The following CSDC2 variants were observed in gnomAD, a reference collection of about 807,000 sequenced individuals.
CSDC2 encodes the protein cold shock domain containing C2.
Under a neutral mutation model 15.8 loss-of-function variants are expected in CSDC2, and 8 were observed. The observed-to-expected ratio is 0.51, with a 90% CI of 0.30 to 0.92. CSDC2 has a LOEUF of 0.92. CSDC2 is among the 40% of genes least tolerant of loss of function. The pLI is 0.07. For synonymous variants in CSDC2, 96 were observed against 92.3 expected (o/e 1.04, Z -0.23); for missense variants, 195 against 213.3 (o/e 0.91, Z 0.53).
intron 1 of CSDC2, among the ~76,000 whole-genome samples, chr22:41,570,795 C>A (rs1426183522): frequency 1.4e-5 from 2 of 147,370 alleles, no homozygotes; most frequent in African/African-American, 5.0e-5. Flanking sequence ...GTACTCCAGC[C>A]TGGGTGACAG....
Position 41,571,881 on chromosome 22 carries a change from G to C in CSDC2, c.-85G>C. ...CTGGTGAGGCCGCAGAGCAGGGCCA[G>C]GCCGGGCCCTGCCCGCAAGGACGAC... On this transcript the variant is annotated 5_prime_UTR_variant, in exon 2 of 4. Transcript: ENST00000306149. The C allele has an allele frequency of 1.1e-6, 1 of 941,678 alleles. No homozygotes were observed. Among genetic ancestry groups the C allele is most frequent in the South Asian group, 3.3e-5 (1 of 29,988 alleles). The allele number at this position is 941,678 out of a possible 1,614,324, so 58.3% of individuals were successfully genotyped here. A position where few individuals can be genotyped will look rare whatever the true frequency, so the allele number is the denominator to read the frequency against.
At chr22:41,567,535 C>T (rs926603307) in intron 1 of CSDC2, among the ~76,000 whole-genome samples, 11 of 152,372 alleles carry the variant, frequency 7.2e-5, no homozygotes, top group African/African-American at 2.6e-4. Context: ...TGGAGGGTTG[C>T]TCCGTATCTC....
At chr22:41,574,404 T>A (rs988720322) in intron 3 of CSDC2, among the ~76,000 whole-genome samples, 4 of 152,224 alleles carry the variant, frequency 2.6e-5, no homozygotes, top group Non-Finnish European at 4.4e-5. Flanking sequence ...TAGCTGGAAT[T>A]ACAGGTGCCA....
chr22:41,572,790 G>T (rs2067154618), intron 2 of CSDC2, among the ~76,000 whole-genome samples: 1 of 152,250 alleles, frequency 6.6e-6, no homozygotes, highest in African/African-American at 2.4e-5. Flanking sequence ...GGGGTAGGTA[G>T]GCGGGACAAA....
At chr22:41,569,343 T>C (rs1569048198) in intron 1 of CSDC2, among the ~76,000 whole-genome samples, 1 of 152,226 alleles carries the variant, frequency 6.6e-6, no homozygotes, top group Non-Finnish European at 1.5e-5. Flanking sequence ...TTTAGTACAT[T>C]CACAGAGTTG....
At chr22:41,562,001 C>T (rs1205644688) in intron 1 of CSDC2, among the ~76,000 whole-genome samples, 1 of 152,198 alleles carries the variant, frequency 6.6e-6, no homozygotes, top group Non-Finnish European at 1.5e-5. Flanking sequence ...ACAGCAGGTT[C>T]CTGCCAAGCT....
rs2067168713 is a variant in CSDC2, at chr22:41,575,158, C to T, written c.*263C>T. On this transcript the variant is annotated 3_prime_UTR_variant, in exon 4 of 4. Transcript: ENST00000306149. Reference sequence around the variant, plus strand: ...GCTTCGCGCTGTCCACTGCCTCTCTCCTCCCCTCCCTGCCGCAGACACGCA... The same window carrying T: ...GCTTCGCGCTGTCCACTGCCTCTCTTCTCCCCTCCCTGCCGCAGACACGCA... 1.9e-6 allele frequency: 1 copy of T among 531,744 alleles called. No homozygotes were observed. The highest frequency in any genetic ancestry group is 3.4e-6 in the Non-Finnish European group (1 of 296,756). 32.9% of individuals were successfully genotyped at this position (531,744 alleles called of 1,614,324 possible).
chr22:41,562,896 G>A (rs539050174), intron 1 of CSDC2, among the ~76,000 whole-genome samples: 1 of 152,276 alleles, frequency 6.6e-6, no homozygotes, highest in East Asian at 1.9e-4. Flanking sequence ...GATGCTGTAT[G>A]TATGTATGAC....
chr22:41,571,014 T>C (rs760595109), intron 1 of CSDC2, among the ~76,000 whole-genome samples: 23 of 149,170 alleles, frequency 1.5e-4, no homozygotes, highest in Non-Finnish European at 3.3e-4. Flanking sequence ...GGATCAATGC[T>C]AGCCCCATTT....
chr22:41,575,023 C>T lies in CSDC2; in HGVS notation c.*128C>T. On this transcript the variant is annotated 3_prime_UTR_variant, in exon 4 of 4. Transcript: ENST00000306149. The stretch of plus-strand genomic sequence containing the variant: ...CGGTGGCCTCAGTGTGCACGTCTGT[C>T]TGTCCGTCTGTGCTTGTGGCTATGA... 9.1e-7 allele frequency: 1 copy of T among 1,095,950 alleles called. No homozygotes were observed. The highest frequency in any genetic ancestry group is 1.3e-6 in the Non-Finnish European group (1 of 774,856). 67.9% of individuals were successfully genotyped at this position (1,095,950 alleles called of 1,614,324 possible).
chr22:41,573,664 G>A lies in CSDC2; in HGVS notation c.186G>A (p.Arg62=). 2 of 1,612,540 alleles carry A rather than the reference G, an allele frequency of 1.2e-6. No individual in the cohort carries two copies. Among genetic ancestry groups the A allele is most frequent in the Non-Finnish European group, 1.7e-6 (2 of 1,179,150 alleles). The change falls in exon 3 of 4, where the codon CGG becomes CGA. Residue 62 remains arginine, a synonymous_variant. Coordinates refer to ENST00000306149, the MANE Select transcript of CSDC2 (RefSeq NM_014460.4). ...ACTACCCTATCTCCAGGACAGCCCG[G>A]GCCTCAGCTGGCCCCGTGTTCAAGG... is the stretch of plus-strand genomic sequence containing the variant. ...KRTRTYSATA[R]ASAGPVFKGV...
intron 1 of CSDC2, among the ~76,000 whole-genome samples, chr22:41,565,431 C>T (rs189770561): frequency 1.5e-5 from 2 of 129,546 alleles, no homozygotes; most frequent in East Asian, 2.2e-4. Context: ...GCCTGGGTGA[C>T]GGAGTAAGAT....
chr22:41,575,319 C>T lies in CSDC2; in HGVS notation c.*424C>T, dbSNP rs1188211067. 1 of 187,496 alleles carries T rather than the reference C, an allele frequency of 5.3e-6. No individual in the cohort carries two copies. The highest frequency in any genetic ancestry group is 2.3e-5 in the African/African-American group (1 of 42,572). 11.6% of individuals were successfully genotyped at this position (187,496 alleles called of 1,614,324 possible). A position where few individuals can be genotyped will look rare whatever the true frequency, so the allele number is the denominator to read the frequency against. On this transcript the variant is annotated 3_prime_UTR_variant, in exon 4 of 4. Coordinates refer to ENST00000306149, the MANE Select transcript of CSDC2 (RefSeq NM_014460.4). ...GCCCGGAGCCAGGCTCTCTGTGCTA[C>T]TTACATCTCCCTCCCTTGGCTGAGG...
At chr22:41,570,307 A>AC (rs1445674598) in intron 1 of CSDC2, among the ~76,000 whole-genome samples, 1 of 151,966 alleles carries the variant, frequency 6.6e-6, no homozygotes, top group African/African-American at 2.4e-5. Context: ...ATACTACTCC[A>AC]CCTCCACCCC....
chr22:41,574,529 T>C (rs536802766), intron 3 of CSDC2, among the ~76,000 whole-genome samples: 1 of 152,320 alleles, frequency 6.6e-6, no homozygotes, highest in South Asian at 2.1e-4. Context: ...ACTCCCAAAG[T>C]GCTGGGATTA....
rs202172778 is a variant in CSDC2 at position 41,574,935 on chromosome 22, G to A, written c.*40G>A. 6.1e-5 allele frequency: 95 copies of A among 1,550,404 alleles called. No individual in the cohort carries two copies. The highest frequency in any genetic ancestry group is 8.1e-5 in the Non-Finnish European group (93 of 1,147,668). ...AGGCCAGCTGGCCGGGGGTTGGGGA[G>A]CCACACAGGGTGAACGGGCAGCAGC... On this transcript the variant is annotated 3_prime_UTR_variant, in exon 4 of 4. Coordinates refer to ENST00000306149, the MANE Select transcript of CSDC2 (RefSeq NM_014460.4).
At position 41,570,982 on chromosome 22, in the gene CSDC2, CA is replaced by C. The variant is rs527329866; in HGVS notation, c.-123-844del. On this transcript the variant is annotated intron_variant, in intron 1 of 3. Transcript: ENST00000306149. ...CCCCAGACTGGATGAGACCATGTCT[CA>C]AAAAAAAAAAAAAAAACAAAGGATC... 4.1e-3 allele frequency among the ~76,000 whole-genome samples: 338 copies of C among 82,384 alleles called. 1 individual carries two copies. Among genetic ancestry groups the C allele is most frequent in the African/African-American group, 0.01 (218 of 21,556 alleles). 54.0% of individuals were successfully genotyped at this position (82,384 alleles called of 152,430 possible). A position where few individuals can be genotyped will look rare whatever the true frequency, so the allele number is the denominator to read the frequency against.
intron 3 of CSDC2, among the ~76,000 whole-genome samples, 160 bp from the exon 4 acceptor site, chr22:41,574,573 C>T (rs1288264286): frequency 2.6e-5 from 4 of 152,188 alleles, no homozygotes; most frequent in African/African-American, 7.2e-5. Flanking sequence ...CCATGAGTCC[C>T]GTTTTACAGA....
chr22:41,572,445 C>T (rs1289831409), intron 2 of CSDC2, among the ~76,000 whole-genome samples: 1 of 145,810 alleles, frequency 6.9e-6, no homozygotes, highest in Admixed American at 6.9e-5. Context: ...CCTGTCCATC[C>T]ATCCATCCAT....
Sources: gnomAD v4.1 joint callset for allele counts (sites outside exome capture counted in the v4.1 genomes callset) on GRCh38, gnomAD v4.1.1 for gene constraint, MANE v1.5 for transcripts, NCBI Gene and HGNC (gene_info 2026-07-23, HGNC 2026-07-21) for gene names.